The following CAPRIN2 variants were observed in gnomAD, a reference collection of about 807,000 sequenced individuals.
CAPRIN2 encodes the protein caprin-2.
In CAPRIN2, 66 loss-of-function variants were observed where a neutral mutation model predicts 130.4. The ratio of observed to expected loss-of-function variants is 0.51; its 90% CI spans 0.42 to 0.62. CAPRIN2 has a LOEUF of 0.62. CAPRIN2 is among the 20% of genes least tolerant of loss of function. CAPRIN2 has a pLI of 0.00. For synonymous variants in CAPRIN2, 471 were observed against 444.1 expected, an observed-to-expected ratio of 1.06 and a Z score of -0.76; for missense variants, 1,185 against 1,246.6, an observed-to-expected ratio of 0.95 and a Z score of 0.74.
chr12:30,723,408 A>C, intron 10 of CAPRIN2, 94 bp from the exon 12 acceptor site: 1 of 817,158 alleles, frequency 1.2e-6, no homozygotes, highest in Non-Finnish European at 2.1e-6. Context: ...TTCACAAAAA[A>C]GACATTAGCT....
At position 30,744,150 on chromosome 12, in the gene CAPRIN2, A is replaced by G. The variant is rs1277688970; in HGVS notation, c.484-3044T>C. On this transcript the variant is annotated intron_variant, in intron 2 of 16. Coordinates refer to ENST00000298892, the Ensembl canonical transcript of CAPRIN2. ...TACTCCTACATCCAGTCACCAAGCC[A>G]TGCTGATTTTACCTCTCAAATCCAG... Among the ~76,000 whole-genome samples the G allele has an allele frequency of 9.9e-5, 15 of 152,140 alleles. 1 individual carries two copies.
Position 30,726,094 on chromosome 12 carries a change from A to G in CAPRIN2, c.1783-6T>C. On this transcript the variant is annotated splice_region_variant and splice_polypyrimidine_tract_variant and intron_variant, in intron 8 of 16. Coordinates refer to ENST00000298892, the Ensembl canonical transcript of CAPRIN2. ...TGATGCACAGGCTTAGGCACCTACA[A>G]GATAAACCCATAATGTGTAAGAGTG... 6.6e-7 allele frequency: 1 copy of G among 1,507,512 alleles called. No individual in the cohort carries two copies. Among genetic ancestry groups the G allele is most frequent in the Non-Finnish European group, 8.9e-7 (1 of 1,123,994 alleles). The allele number at this position is 1,507,512 out of a possible 1,614,324, so 93.4% of individuals were successfully genotyped here. A position where few individuals can be genotyped will look rare whatever the true frequency, so the allele number is the denominator to read the frequency against.
chr12:30,754,546 C>T (rs2075405887), upstream of CAPRIN2: 1 of 152,302 alleles, frequency 6.6e-6, no homozygotes, highest in Non-Finnish European at 1.5e-5. Context: ...CCCGGGTACG[C>T]AGAAGCCGCT....
chr12:30,750,173 T>C (rs1207491177), intron 2 of CAPRIN2, among the ~76,000 whole-genome samples: 1 of 152,200 alleles, frequency 6.6e-6, no homozygotes, highest in African/African-American at 2.4e-5. Context: ...AATTCAAATA[T>C]GTGTCTCAGC....
chr12:30,751,386 A>AT (rs2073785996), intron 1 of CAPRIN2: 1 of 429,954 alleles, frequency 2.3e-6, no homozygotes, highest in Non-Finnish European at 4.3e-6. Flanking sequence ...TAATGACTCT[A>AT]TTAATAACTA....
chr12:30,741,258 G>A (rs1481831313), intron 2 of CAPRIN2, 152 bp from the exon 4 acceptor site: 1 of 451,454 alleles, frequency 2.2e-6, no homozygotes, highest in Non-Finnish European at 3.9e-6. Context: ...TGAAAAAGGA[G>A]AAAGAGTATT....
In CAPRIN2 at chr12:30,723,172, T is replaced by C. The variant is rs1182619964; in HGVS notation, c.2043+87A>G. ...ACTTTTAATAATTTCATTAGGTACA[T>C]GAGAATCAGTAAGTCTGATTATTCT... On this transcript the variant is annotated intron_variant, in intron 11 of 16. Coordinates refer to ENST00000298892, the Ensembl canonical transcript of CAPRIN2. The C allele has an allele frequency of 8.9e-6, 8 of 897,318 alleles. No homozygotes were observed. The East Asian group carries it at 1.5e-4, about 16-fold the overall frequency. 55.6% of individuals were successfully genotyped at this position (897,318 alleles called of 1,614,324 possible). A position where few individuals can be genotyped will look rare whatever the true frequency, so the allele number is the denominator to read the frequency against.
chr12:30,748,834 C>T (rs2072105419), intron 2 of CAPRIN2, among the ~76,000 whole-genome samples: 2 of 152,036 alleles, frequency 1.3e-5, no homozygotes, highest in South Asian at 4.1e-4. Flanking sequence ...TTTTATATAC[C>T]TACTACATGC....
At chr12:30,737,690 C>T (rs145818234) in intron 3 of CAPRIN2, among the ~76,000 whole-genome samples, 4,168 of 151,408 alleles carry the variant, frequency 0.028, 182 homozygotes, top group African/African-American at 0.095. Context: ...CTCTGCCTCC[C>T]GGGTTCACGC....
At chr12:30,752,572 TAA>T (rs201247925) in intron 1 of CAPRIN2, among the ~76,000 whole-genome samples, 78 of 129,208 alleles carry the variant, frequency 6.0e-4, no homozygotes, top group Middle Eastern at 4.2e-3. Context: ...TTTCTTAGGT[TAA>T]AAAAAAAAAA....
At chr12:30,733,005 G>T (rs909734483) in intron 5 of CAPRIN2, among the ~76,000 whole-genome samples, 1 of 152,000 alleles carries the variant, frequency 6.6e-6, no homozygotes, top group South Asian at 2.1e-4. Flanking sequence ...TCTTAAGATA[G>T]TTATAGATAT....
At chr12:30,729,373 T>G (rs1457365581) in intron 7 of CAPRIN2, 48 bp from the exon 9 acceptor site, 32 of 1,345,868 alleles carry the variant, frequency 2.4e-5, no homozygotes, top group Non-Finnish European at 3.3e-5. Flanking sequence ...ATAGAAGACC[T>G]TGGAGGGAAT....
chr12:30,716,489 T>C lies in CAPRIN2; in HGVS notation c.2317+19A>G. On this transcript the variant is annotated intron_variant, in intron 13 of 16. Coordinates refer to ENST00000298892, the Ensembl canonical transcript of CAPRIN2. ...GCTGTCCCTCTAAGTCTTCCAAATA[T>C]CATATGCAAAGATCTTACCAGTCTC... is the stretch of plus-strand genomic sequence containing the variant. 1 of 1,609,674 alleles carries C rather than the reference T, an allele frequency of 6.2e-7. No individual in the cohort carries two copies. Among genetic ancestry groups the C allele is most frequent in the African/African-American group, 1.3e-5 (1 of 74,880 alleles).
intron 5 of CAPRIN2, 101 bp from the exon 7 acceptor site, chr12:30,731,611 T>C (rs528245613): frequency 6.5e-6 from 6 of 919,156 alleles, no homozygotes; most frequent in Admixed American, 4.5e-5. Flanking sequence ...ATTGTTACAA[T>C]AGTTTACATT....
rs767686756 is a variant in CAPRIN2, at chr12:30,716,696, C to G, written c.2149-20G>C. On this transcript the variant is annotated intron_variant, in intron 12 of 16. Transcript: ENST00000298892. Reference sequence around the variant, plus strand: ...AAATACCTTAAAAGACAAGGACACACTGAGTCATTTGGGAAGTTTCAAAGA... The same window carrying G: ...AAATACCTTAAAAGACAAGGACACAGTGAGTCATTTGGGAAGTTTCAAAGA... 4.0e-5 allele frequency: 65 copies of G among 1,605,176 alleles called. No individual in the cohort carries two copies. Among genetic ancestry groups the G allele is most frequent in the Non-Finnish European group, 5.4e-5 (64 of 1,175,396 alleles).
chr12:30,742,492 T>A (rs547818416), intron 2 of CAPRIN2, among the ~76,000 whole-genome samples: 1 of 151,856 alleles, frequency 6.6e-6, no homozygotes, highest in South Asian at 2.1e-4. Context: ...AATTCTTCAG[T>A]GACAAAAAAA....
At chr12:30,715,170 AAG>A (rs2057053765) in intron 13 of CAPRIN2, 29 bp from the exon 16 acceptor site, 3 of 1,594,202 alleles carry the variant, frequency 1.9e-6, no homozygotes, top group Non-Finnish European at 2.6e-6. Context: ...TTTAGGGTCC[AAG>A]AGTTAAATGG....
intron 2 of CAPRIN2, among the ~76,000 whole-genome samples, chr12:30,742,495 CA>C (rs752424616): frequency 1.7e-4 from 26 of 150,056 alleles, no homozygotes; most frequent in Admixed American, 6.7e-4. Flanking sequence ...TCTTCAGTGA[CA>C]AAAAAAAACC....
exon 10 of CAPRIN2, chr12:30,724,374 G>A (rs144969010): frequency 1.8e-4 from 293 of 1,604,110 alleles, no homozygotes; most frequent in Admixed American, 2.3e-4. Context: ...ACATACCTAC[G>A]GGGCTACCTG....
Sources: allele counts gnomAD v4.1 joint callset (sites outside exome capture counted in the v4.1 genomes callset), GRCh38; gene constraint gnomAD v4.1.1; transcripts MANE v1.5; gene names NCBI Gene and HGNC (gene_info 2026-07-23, HGNC 2026-07-21).